Variants in SNX27 observed in about 807,000 individuals in gnomAD.
SNX27 encodes the protein sorting nexin 27, also known as sorting nexin-27.
A neutral mutation model predicts 71.6 loss-of-function variants in SNX27; 22 were observed. The ratio of observed to expected loss-of-function variants is 0.31; its 90% CI spans 0.22 to 0.44. The LOEUF (loss-of-function observed/expected upper bound fraction) is 0.44, where lower values mean the gene tolerates loss of function less well. Ranked by LOEUF, SNX27 falls within the 20% of genes least tolerant of loss-of-function variation. The probability of loss-of-function intolerance (pLI) is 1.00; values close to 1 mark genes in which losing one functional copy is unlikely to be tolerated. For synonymous variants in SNX27, 269 were observed against 277.2 expected (o/e 0.97, Z 0.29); for missense variants, 531 against 698.6 (o/e 0.76, Z 2.70).
In SNX27 at chr1:151,683,436, A is replaced by T. The variant is rs756276658; in HGVS notation, c.1230A>T (p.Lys410Asn). 1 of 1,613,034 alleles carries T rather than the reference A, an allele frequency of 6.2e-7. No homozygotes were observed. The highest frequency in any genetic ancestry group is 8.5e-7 in the Non-Finnish European group (1 of 1,179,574). The part of the protein sequence containing the change: ...YQLQKLYEQR[K>N]MVMYLNMLRT... ...TACAGAAGCTATACGAACAAAGAAAAATGGTCATGGTAAGTTTATGTCCCC... is the reference window on the plus strand; with the variant it reads ...TACAGAAGCTATACGAACAAAGAAATATGGTCATGGTAAGTTTATGTCCCC... Residue 410 changes from lysine (K) to asparagine (N), a missense_variant, in exon 8 of 12, where the codon AAA becomes AAT. Physicochemically the swap from Lys to Asn is moderately conservative, Grantham distance 94. Around this residue, in one of 5 missense-constraint regions of SNX27, gnomAD observed 157 missense variants for 178.4 expected, o/e 0.88. Transcript: ENST00000458013.
rs1558082836 is a variant in SNX27 at position 151,696,497 on chromosome 1, C to CTTTCTTTCTTTCT, written c.*2088_*2089insTTTCTTTTCTTTC. On this transcript the variant is annotated 3_prime_UTR_variant, in exon 12 of 12. Coordinates refer to ENST00000458013, the MANE Select transcript of SNX27 (RefSeq NM_001330723.2). ...TCTTTCTTTCTTTCTTTCTTTCTTT[C>CTTTCTTTCTTTCT]TTTCTTTCGTTCTTTCGTTCTTTCG... 2.2e-5 allele frequency: 3 copies of CTTTCTTTCTTTCT among 134,894 alleles called. No individual in the cohort carries two copies. Among genetic ancestry groups the CTTTCTTTCTTTCT allele is most frequent in the African/African-American group, 9.2e-5 (3 of 32,540 alleles). 8.4% of individuals were successfully genotyped at this position (134,894 alleles called of 1,614,324 possible). A position where few individuals can be genotyped will look rare whatever the true frequency, so the allele number is the denominator to read the frequency against.
chr1:151,656,653 G>A (rs1199850508), intron 2 of SNX27, among the ~76,000 whole-genome samples: 2 of 152,152 alleles, frequency 1.3e-5, no homozygotes, highest in African/African-American at 4.8e-5. Flanking sequence ...ACAGCAGGAG[G>A]CATTTATACA....
At chr1:151,625,171 G>A (rs1017406282) in intron 1 of SNX27, among the ~76,000 whole-genome samples, 6 of 152,146 alleles carry the variant, frequency 3.9e-5, no homozygotes, top group South Asian at 2.1e-4. Context: ...ATTAATACGC[G>A]CTTTTGCCCA....
At chr1:151,619,563 A>G (rs1237811262) in intron 1 of SNX27, among the ~76,000 whole-genome samples, 2 of 152,010 alleles carry the variant, frequency 1.3e-5, no homozygotes, top group East Asian at 3.9e-4. Context: ...GGCTTCCCAA[A>G]GTGCTGGGAT....
At chr1:151,693,345 T>TG in intron 10 of SNX27, 79 bp from the exon 11 acceptor site, 1 of 1,371,036 alleles carries the variant, frequency 7.3e-7, no homozygotes, top group South Asian at 1.2e-5. Flanking sequence ...ATGGGATGAC[T>TG]GGGGACAGGA....
chr1:151,680,532 G>A (rs1211247113), intron 7 of SNX27: 8 of 152,144 alleles, frequency 5.3e-5, no homozygotes, highest in African/African-American at 1.9e-4. Context: ...TGGAATTGCT[G>A]GAGTAGATAA....
At chr1:151,678,292 A>G (rs938648471) in intron 7 of SNX27, 1 of 152,074 alleles carries the variant, frequency 6.6e-6, no homozygotes, top group African/African-American at 2.4e-5. Context: ...CTACCATTCT[A>G]CTTTTTGTTT....
chr1:151,648,862 T>C (rs1669191705), intron 2 of SNX27, among the ~76,000 whole-genome samples: 1 of 152,188 alleles, frequency 6.6e-6, no homozygotes, highest in African/African-American at 2.4e-5. Context: ...CTCTTAGCTT[T>C]TGTTGATGTG....
chr1:151,668,341 T>C (rs1370170655), intron 6 of SNX27, 131 bp from the exon 7 acceptor site: 4 of 810,674 alleles, frequency 4.9e-6, no homozygotes, highest in Admixed American at 6.2e-5. Context: ...AAGGCAGAAC[T>C]CCTTGGTGGA....
intron 5 of SNX27, among the ~76,000 whole-genome samples, chr1:151,664,356 CA>C (rs1181903852): frequency 4.0e-5 from 6 of 151,820 alleles, no homozygotes; most frequent in Admixed American, 3.3e-4. Context: ...AATGCTCCTT[CA>C]TGTCTGCTCC....
At chr1:151,616,065 T>C (rs1448370212) in intron 1 of SNX27, among the ~76,000 whole-genome samples, 8 of 152,238 alleles carry the variant, frequency 5.3e-5, no homozygotes, top group African/African-American at 1.9e-4. Context: ...AAAGTTTTTT[T>C]GACTAGCAAA....
At chr1:151,651,973 G>T (rs1221829905) in intron 2 of SNX27, among the ~76,000 whole-genome samples, 1 of 152,192 alleles carries the variant, frequency 6.6e-6, no homozygotes, top group African/African-American at 2.4e-5. Flanking sequence ...GCCGAGGCTG[G>T]CGGATCACTT....
intron 1 of SNX27, chr1:151,614,338 T>C (rs78944794): frequency 7.2e-5 from 11 of 152,212 alleles, no homozygotes; most frequent in Admixed American, 2.0e-4. Flanking sequence ...TCTTTTTTTT[T>C]CCTTGAGATG....
chr1:151,630,221 C>T (rs766062225), intron 1 of SNX27, among the ~76,000 whole-genome samples: 5 of 151,956 alleles, frequency 3.3e-5, no homozygotes, highest in Non-Finnish European at 7.4e-5. Context: ...TTACGAAGCT[C>T]ATATTTTGGT....
At chr1:151,639,444 C>T (rs1668620507) in intron 2 of SNX27, among the ~76,000 whole-genome samples, 1 of 152,108 alleles carries the variant, frequency 6.6e-6, no homozygotes, top group Non-Finnish European at 1.5e-5. Context: ...TGCCGTATCT[C>T]TTTGCTAATA....
rs1459169712 is a variant in SNX27 at position 151,694,969 on chromosome 1, A to T, written c.*552A>T. 6.6e-6 allele frequency: 1 copy of T among 152,644 alleles called. No individual in the cohort carries two copies. The highest frequency in any genetic ancestry group is 1.5e-5 in the Non-Finnish European group (1 of 68,054). The allele number at this position is 152,644 out of a possible 1,614,324, so 9.5% of individuals were successfully genotyped here. ...TTTTGAAACAAACTTTAAAAAGGAA[A>T]AAAAAGCATTTTACAGGGAAAAATA... On this transcript the variant is annotated 3_prime_UTR_variant, in exon 12 of 12. Transcript: ENST00000458013.
At chr1:151,670,402 G>T (rs775145265) in intron 7 of SNX27, among the ~76,000 whole-genome samples, 7 of 152,130 alleles carry the variant, frequency 4.6e-5, no homozygotes, top group African/African-American at 1.7e-4. Flanking sequence ...TTTCTTTTGG[G>T]TATATACCCA....
In SNX27 at chr1:151,696,486, TTTCTTTCTTTCTTTCTTTCG is replaced by T. The variant is rs1168584613; in HGVS notation, c.*2077_*2096del. On this transcript the variant is annotated 3_prime_UTR_variant, in exon 12 of 12. Coordinates refer to ENST00000458013, the MANE Select transcript of SNX27 (RefSeq NM_001330723.2). ...TTTTCTTTCTTTCTTTCTTTCTTTC[TTTCTTTCTTTCTTTCTTTCG>T]TTCTTTCGTTCTTTCGTTCTTTCTT... The T allele has an allele frequency of 9.8e-5, 13 of 133,254 alleles. No homozygotes were observed. The highest frequency in any genetic ancestry group is 3.1e-4 in the African/African-American group (10 of 32,400). 8.3% of individuals were successfully genotyped at this position (133,254 alleles called of 1,614,324 possible).
At chr1:151,683,643 A>G (rs1175941530) in intron 8 of SNX27, among the ~76,000 whole-genome samples, 198 bp downstream of exon 8, 1 of 144,902 alleles carries the variant, frequency 6.9e-6, no homozygotes, top group Non-Finnish European at 1.5e-5. Context: ...ACTGTGTATT[A>G]GTACATAATT....
Sources: gnomAD v4.1 joint callset for allele counts (sites outside exome capture counted in the v4.1 genomes callset) on GRCh38, gnomAD v4.1.1 for gene constraint, gnomAD v4.1.1 regional missense constraint, MANE v1.5 for transcripts, NCBI Gene and HGNC (gene_info 2026-07-23, HGNC 2026-07-21) for gene names.